Variants in CCNF observed in about 807,000 individuals in gnomAD.
The protein encoded by CCNF is cyclin F.
CCNF carries 30 observed loss-of-function variants against 85.4 expected under a neutral mutation model. The ratio of observed to expected loss-of-function variants is 0.35; its 90% CI spans 0.26 to 0.48. CCNF has a LOEUF of 0.48. Among genes scored for constraint, CCNF ranks in the 20% least tolerant of loss-of-function variants. The probability of loss-of-function intolerance (pLI) is 0.99; values close to 1 mark genes in which losing one functional copy is unlikely to be tolerated. For synonymous variants in CCNF, 439 were observed against 425.1 expected (o/e 1.03, Z -0.40); for missense variants, 919 against 1,010.4 (o/e 0.91, Z 1.23).
At chr16:2,445,725 TG>T in intron 10 of CCNF, 103 bp downstream of exon 10, 2 of 963,430 alleles carry the variant, frequency 2.1e-6, no homozygotes, top group South Asian at 1.8e-5. Flanking sequence ...TTTTGTTTTG[TG>T]TTGTTTTTTT....
intron 5 of CCNF, 44 bp from the exon 6 acceptor site, chr16:2,438,026 G>A (rs1281903961): frequency 4.1e-6 from 6 of 1,446,620 alleles, no homozygotes; most frequent in Non-Finnish European, 5.8e-6. Context: ...CCCCCGGGCA[G>A]TTCTCTGTGC....
chr16:2,455,737 G>A (rs2065423854), intron 16 of CCNF, among the ~76,000 whole-genome samples, 173 bp downstream of exon 16: 1 of 152,166 alleles, frequency 6.6e-6, no homozygotes, highest in South Asian at 2.1e-4. Flanking sequence ...TGGGGAGAGA[G>A]GAGGGGAGAG....
At chr16:2,455,108 G>A (rs372168494) in intron 15 of CCNF, among the ~76,000 whole-genome samples, 2 of 151,464 alleles carry the variant, frequency 1.3e-5, no homozygotes, top group East Asian at 3.9e-4. Context: ...TCATCCTAGA[G>A]GTTTCCAGGG....
chr16:2,442,791 T>C (rs1011296870), intron 8 of CCNF, among the ~76,000 whole-genome samples: 5,265 of 12,352 alleles, frequency 0.43, 2,408 homozygotes, highest in African/African-American at 0.88. Context: ...TATTATATAT[T>C]ATATTCTATA....
intron 3 of CCNF, among the ~76,000 whole-genome samples, chr16:2,434,902 T>G (rs1418593451): frequency 6.6e-6 from 1 of 152,232 alleles, no homozygotes. Context: ...CCCTGATGTT[T>G]TCAAGGTTCA....
chr16:2,446,544 T>C (rs1741059498), intron 10 of CCNF, among the ~76,000 whole-genome samples: 1 of 152,226 alleles, frequency 6.6e-6, no homozygotes, highest in Non-Finnish European at 1.5e-5. Flanking sequence ...ATTCTCACAA[T>C]ACGATTTGCA....
chr16:2,448,761 C>T, intron 10 of CCNF, 94 bp from the exon 11 acceptor site: 1 of 1,148,382 alleles, frequency 8.7e-7, no homozygotes, highest in Non-Finnish European at 1.3e-6. Context: ...TGGCTCCCTC[C>T]CTACCTTGAG....
At chr16:2,433,564 T>C (rs1278812857) in intron 3 of CCNF, among the ~76,000 whole-genome samples, 2 of 151,910 alleles carry the variant, frequency 1.3e-5, no homozygotes, top group Non-Finnish European at 2.9e-5. Flanking sequence ...TTCTTTTTTG[T>C]TGTTGTTTTT....
intron 10 of CCNF, among the ~76,000 whole-genome samples, chr16:2,448,131 G>T (rs1266660480): frequency 1.3e-5 from 2 of 152,220 alleles, no homozygotes; most frequent in Non-Finnish European, 2.9e-5. Flanking sequence ...ACAGTGCCGG[G>T]CACAGACTTT....
At chr16:2,438,009 G>C in intron 5 of CCNF, 61 bp from the exon 6 acceptor site, 1 of 1,151,444 alleles carries the variant, frequency 8.7e-7, no homozygotes, top group South Asian at 1.2e-5. Context: ...AGACAAGGGA[G>C]TGGTGGCCCC....
At chr16:2,445,977 G>A (rs946458868) in intron 10 of CCNF, among the ~76,000 whole-genome samples, 4 of 152,100 alleles carry the variant, frequency 2.6e-5, no homozygotes, top group East Asian at 1.9e-4. Flanking sequence ...TGATCCGCCC[G>A]CCTCAACCTC....
At chr16:2,441,937 T>TTATATATATA (rs55737759) in intron 8 of CCNF, among the ~76,000 whole-genome samples, 190 of 60,084 alleles carry the variant, frequency 3.2e-3, no homozygotes, top group Non-Finnish European at 3.7e-3. Flanking sequence ...TATTAGCAAA[T>TTATATATATA]TATATATATA....
intron 8 of CCNF, among the ~76,000 whole-genome samples, chr16:2,441,309 T>C (rs1434553501): frequency 1.3e-5 from 2 of 151,882 alleles, no homozygotes; most frequent in Non-Finnish European, 2.9e-5. Flanking sequence ...GGCAGGAGGA[T>C]CACTTGAGCC....
At position 2,456,271 on chromosome 16, in the gene CCNF, G is replaced by A. The variant is rs2065427090; in HGVS notation, c.1886-274G>A. 2.4e-6 allele frequency: 1 copy of A among 412,172 alleles called. No homozygotes were observed. The highest frequency in any genetic ancestry group is 2.0e-5 in the African/African-American group (1 of 49,712). The allele number at this position is 412,172 out of a possible 1,614,324, so 25.5% of individuals were successfully genotyped here. A position where few individuals can be genotyped will look rare whatever the true frequency, so the allele number is the denominator to read the frequency against. ...TCCTTGCCAGAAGCCCAGTTAGTGT[G>A]AGTCCTGTCAGTTTCCCGGTTGCTT... On this transcript the variant is annotated intron_variant, in intron 16 of 16. Transcript: ENST00000397066. The surrounding 1 kb of genome is among the most constrained non-coding windows in gnomAD (Gnocchi z 4.5).
chr16:2,443,671 CA>C lies in CCNF; in HGVS notation c.803del (p.Asn268MetfsTer9). The C allele has an allele frequency of 6.2e-7, 1 of 1,614,106 alleles. No homozygotes were observed. On this transcript the variant is annotated frameshift_variant, in exon 9 of 17. Coordinates refer to ENST00000397066, the MANE Select transcript of CCNF (RefSeq NM_001761.3). LOFTEE classifies it high-confidence loss of function. ...EAQLSLAKACANANQLGLEVR... is the reference protein window; with the variant it reads ...EAQLSLAKACXNANQLGLEVR... The stretch of plus-strand genomic sequence containing the variant: ...CAGCTGTCTTTAGCCAAAGCCTGTG[CA>C]AATGCAAACCAGCTTGGACTGGAGG...
At chr16:2,431,365 A>G in intron 2 of CCNF, 81 bp downstream of exon 2, 1 of 1,489,752 alleles carries the variant, frequency 6.7e-7, no homozygotes, top group Non-Finnish European at 9.2e-7. Flanking sequence ...CTGTCAGAAC[A>G]AAACTTTGGC....
intron 9 of CCNF, among the ~76,000 whole-genome samples, chr16:2,444,157 G>C (rs942802638): frequency 5.3e-5 from 8 of 152,000 alleles, no homozygotes; most frequent in African/African-American, 1.9e-4. Context: ...CTGACCTCGT[G>C]ATCCGCCCGC....
At position 2,456,476 on chromosome 16, in the gene CCNF, G is replaced by A. The variant is rs2065428155; in HGVS notation, c.1886-69G>A. On this transcript the variant is annotated intron_variant, in intron 16 of 16. Transcript: ENST00000397066. The surrounding 1 kb of genome is among the most constrained non-coding windows in gnomAD (Gnocchi z 4.5). ...TTCTTGACCTGGACTTCAGGGTCCT[G>A]ACCTGGCAGGGGGTCTCCCCTGATG... is the stretch of plus-strand genomic sequence containing the variant. The A allele has an allele frequency of 1.8e-6, 2 of 1,131,418 alleles. No individual in the cohort carries two copies. Among genetic ancestry groups the A allele is most frequent in the Admixed American group, 2.8e-5 (1 of 36,228 alleles). The allele number at this position is 1,131,418 out of a possible 1,614,324, so 70.1% of individuals were successfully genotyped here.
chr16:2,442,771 TC>T (rs2065336038), intron 8 of CCNF, among the ~76,000 whole-genome samples: 2 of 28,196 alleles, frequency 7.1e-5, no homozygotes, highest in Non-Finnish European at 9.5e-5. Context: ...ATAATATATA[TC>T]ATATATAATA....
Sources: gnomAD v4.1 joint callset for allele counts (sites outside exome capture counted in the v4.1 genomes callset) on GRCh38, gnomAD v4.1.1 for gene constraint, Gnocchi (gnomAD v3.1) non-coding constraint, MANE v1.5 for transcripts, NCBI Gene and HGNC (gene_info 2026-07-23, HGNC 2026-07-21) for gene names.